The following MRPL48 variants were observed in gnomAD, a reference collection of about 807,000 sequenced individuals.
The protein encoded by MRPL48 is mitochondrial ribosomal protein L48.
In MRPL48, 16 loss-of-function variants were observed where a neutral mutation model predicts 32.9. That is an observed-to-expected ratio of 0.49 (90% CI 0.33 to 0.74). The LOEUF (loss-of-function observed/expected upper bound fraction) is 0.74, where lower values mean the gene tolerates loss of function less well. Among genes scored for constraint, MRPL48 ranks in the 30% least tolerant of loss-of-function variants. The pLI, the probability that MRPL48 is intolerant of heterozygous loss-of-function variation, is 0.02. For missense variants in MRPL48, 206 were observed against 245.3 expected (o/e 0.84, Z 1.07); for synonymous variants, 94 against 89.2 (o/e 1.05, Z -0.31).
At chr11:73,809,247 CCT>C (rs1393461145) in intron 3 of MRPL48, among the ~76,000 whole-genome samples, 1 of 145,854 alleles carries the variant, frequency 6.9e-6, no homozygotes, top group Non-Finnish European at 1.5e-5. Flanking sequence ...GTGCCTCACG[CCT>C]GTAATCCCAG....
intron 3 of MRPL48, among the ~76,000 whole-genome samples, chr11:73,814,423 G>A (rs1036582865): frequency 5.9e-5 from 9 of 151,736 alleles, no homozygotes; most frequent in African/African-American, 1.9e-4. Context: ...GGTGGGGCAC[G>A]GTGGCTCACG....
intron 3 of MRPL48, among the ~76,000 whole-genome samples, chr11:73,815,577 C>G (rs1947649781): frequency 1.3e-5 from 2 of 152,096 alleles, no homozygotes; most frequent in African/African-American, 4.8e-5. Flanking sequence ...CAGTCTTGAG[C>G]TCCTAGGTTC....
rs186787713 is a variant in MRPL48 at position 73,801,913 on chromosome 11, C to T, written c.22-3114C>T. Among the ~76,000 whole-genome samples, 440 of 152,294 alleles carry T rather than the reference C, an allele frequency of 2.9e-3. 3 individuals are homozygous for T. Among genetic ancestry groups the T allele is most frequent in the Non-Finnish European group, 4.6e-3 (312 of 68,014 alleles). On this transcript the variant is annotated intron_variant, in intron 1 of 7. Coordinates refer to ENST00000310614, the MANE Select transcript of MRPL48 (RefSeq NM_016055.6). ...CTTTCTAATCATTTATTCATCAGAA[C>T]AAACCTTGATTGTCTACAATGTGCC...
At chr11:73,807,624 T>G (rs928788374) in intron 2 of MRPL48, among the ~76,000 whole-genome samples, 1 of 150,944 alleles carries the variant, frequency 6.6e-6, no homozygotes, top group Admixed American at 6.6e-5. Flanking sequence ...GATTGTAGTA[T>G]TATTATCTTT....
intron 6 of MRPL48, among the ~76,000 whole-genome samples, chr11:73,861,170 A>G (rs1184077840): frequency 1.3e-5 from 2 of 152,240 alleles, no homozygotes; most frequent in Non-Finnish European, 2.9e-5. Context: ...ATAACTAAGT[A>G]CAATCTTTGG....
At chr11:73,788,505 G>C (rs1947091293) in intron 1 of MRPL48, among the ~76,000 whole-genome samples, 1 of 111,928 alleles carries the variant, frequency 8.9e-6, no homozygotes, top group East Asian at 2.4e-4. Flanking sequence ...GACGGATTTC[G>C]CTCTGTTGCC....
At chr11:73,811,796 A>C (rs1353319611) in intron 3 of MRPL48, among the ~76,000 whole-genome samples, 1 of 152,164 alleles carries the variant, frequency 6.6e-6, no homozygotes, top group Non-Finnish European at 1.5e-5. Context: ...TAAAATTATC[A>C]CCTGTTAAAA....
intron 5 of MRPL48, among the ~76,000 whole-genome samples, chr11:73,852,692 T>C (rs1948420496): frequency 6.6e-6 from 1 of 152,160 alleles, no homozygotes; most frequent in African/African-American, 2.4e-5. Context: ...GTTTGGAAGT[T>C]CCTCAAAAAA....
chr11:73,803,221 A>G (rs546476071), intron 1 of MRPL48, among the ~76,000 whole-genome samples: 1 of 151,708 alleles, frequency 6.6e-6, no homozygotes, highest in Non-Finnish European at 1.5e-5. Context: ...CCTGCCTCCC[A>G]GGTTCAAGCG....
chr11:73,856,717 C>T (rs547561381), intron 5 of MRPL48, among the ~76,000 whole-genome samples: 1 of 152,198 alleles, frequency 6.6e-6, no homozygotes, highest in South Asian at 2.1e-4. Flanking sequence ...TCCCCAGCAC[C>T]CTAGCAGACT....
intron 5 of MRPL48, among the ~76,000 whole-genome samples, chr11:73,847,458 T>G (rs1345259950): frequency 2.6e-5 from 4 of 151,222 alleles, no homozygotes; most frequent in Non-Finnish European, 4.4e-5. Context: ...TTTTTTTTTT[T>G]GAGACGGAGT....
intron 5 of MRPL48, among the ~76,000 whole-genome samples, chr11:73,849,702 C>G: frequency 6.6e-6 from 1 of 152,160 alleles, no homozygotes; most frequent in Middle Eastern, 3.4e-3. Context: ...ATGAATAAAA[C>G]CACTATAAAT....
chr11:73,836,346 C>A (rs1021708895), intron 4 of MRPL48, among the ~76,000 whole-genome samples: 2 of 152,204 alleles, frequency 1.3e-5, no homozygotes, highest in Non-Finnish European at 1.5e-5. Context: ...CAGTCACTCA[C>A]CACCACATGC....
intron 1 of MRPL48, among the ~76,000 whole-genome samples, chr11:73,803,858 T>C (rs1267913880): frequency 6.6e-6 from 1 of 152,114 alleles, no homozygotes; most frequent in Non-Finnish European, 1.5e-5. Context: ...TTATATTTGT[T>C]TTTTTGTTCT....
intron 3 of MRPL48, among the ~76,000 whole-genome samples, chr11:73,813,989 C>T (rs945786006): frequency 2.7e-5 from 4 of 147,846 alleles, no homozygotes; most frequent in Admixed American, 1.4e-4. Context: ...TGCAGTGAGC[C>T]GAGATCTCGC....
At chr11:73,832,692 G>A (rs985248739) in intron 4 of MRPL48, 5 of 152,978 alleles carry the variant, frequency 3.3e-5, no homozygotes, top group Admixed American at 2.6e-4. Flanking sequence ...CTCACATCCA[G>A]TCCTACCTTC....
intron 5 of MRPL48, among the ~76,000 whole-genome samples, chr11:73,846,710 A>C: frequency 6.9e-6 from 1 of 144,800 alleles, no homozygotes; most frequent in African/African-American, 2.6e-5. Flanking sequence ...TCTCCCACCC[A>C]GCCTGGTATG....
chr11:73,796,897 T>G (rs1947263759), intron 1 of MRPL48, among the ~76,000 whole-genome samples: 1 of 152,306 alleles, frequency 6.6e-6, no homozygotes, highest in East Asian at 1.9e-4. Context: ...AGACCCCATC[T>G]GTACTAAAAA....
intron 2 of MRPL48, among the ~76,000 whole-genome samples, chr11:73,805,343 C>G (rs1947430148): frequency 6.7e-6 from 1 of 149,964 alleles, no homozygotes; most frequent in East Asian, 1.9e-4. Context: ...GTCACCCAGG[C>G]TGGAGTGCAG....
Sources: allele counts gnomAD v4.1 joint callset (sites outside exome capture counted in the v4.1 genomes callset), GRCh38; gene constraint gnomAD v4.1.1; transcripts MANE v1.5; gene names NCBI Gene and HGNC (gene_info 2026-07-23, HGNC 2026-07-21).